The following C1orf146 variants were observed in gnomAD, a reference collection of about 807,000 sequenced individuals.
C1orf146 encodes protein SPO16 homolog.
In C1orf146, 22 loss-of-function variants were observed where a neutral mutation model predicts 23.0. The ratio of observed to expected loss-of-function variants is 0.96; its 90% CI spans 0.68 to 1.36. The LOEUF is 1.36. Among genes scored for constraint, C1orf146 ranks in the 40% most tolerant of loss-of-function variants. The pLI, the probability that C1orf146 is intolerant of heterozygous loss-of-function variation, is 0.00. For synonymous variants in C1orf146, 59 were observed against 65.3 expected (o/e 0.90, Z 0.47); for missense variants, 199 against 206.8 (o/e 0.96, Z 0.23).
At chr1:92,241,278 C>T (rs974667373) in intron 2 of C1orf146, among the ~76,000 whole-genome samples, 3 of 151,750 alleles carry the variant, frequency 2.0e-5, no homozygotes. Flanking sequence ...GTGGTGCAAT[C>T]ATGGCTCACT....
intron 1 of C1orf146, among the ~76,000 whole-genome samples, chr1:92,228,280 T>A (rs1034170568): frequency 5.9e-5 from 9 of 152,206 alleles, no homozygotes; most frequent in African/African-American, 2.2e-4. Flanking sequence ...CATATACTGC[T>A]TTGAACAAAT....
At chr1:92,243,372 A>C (rs773524069) in intron 3 of C1orf146, among the ~76,000 whole-genome samples, 32 of 152,046 alleles carry the variant, frequency 2.1e-4, no homozygotes, top group Middle Eastern at 3.4e-3. Flanking sequence ...TTTGAGATGG[A>C]GTCTTGCTTT....
At chr1:92,220,526 A>G (rs1651794895) in intron 1 of C1orf146, among the ~76,000 whole-genome samples, 1 of 152,220 alleles carries the variant, frequency 6.6e-6, no homozygotes, top group African/African-American at 2.4e-5. Context: ...TAGTATGTTA[A>G]TGTACTGAAT....
chr1:92,223,339 A>G (rs1041820413), intron 1 of C1orf146, among the ~76,000 whole-genome samples: 1 of 152,178 alleles, frequency 6.6e-6, no homozygotes, highest in African/African-American at 2.4e-5. Flanking sequence ...AGTTTGTTAA[A>G]TTTTAGCCAT....
intron 3 of C1orf146, 138 bp downstream of exon 3, chr1:92,242,443 A>AAC (rs33995042): frequency 0.85 from 347,339 of 409,294 alleles, 149,120 homozygotes; most frequent in East Asian, 1. Context: ...TACTACTACA[A>AAC]ACAGTCCATA....
intron 1 of C1orf146, among the ~76,000 whole-genome samples, chr1:92,224,468 T>C (rs1207640258): frequency 6.6e-6 from 1 of 152,252 alleles, no homozygotes; most frequent in Non-Finnish European, 1.5e-5. Flanking sequence ...TATTATGTCC[T>C]ATTTTCCTCT....
At chr1:92,228,440 T>C (rs889991954) in intron 1 of C1orf146, among the ~76,000 whole-genome samples, 5 of 152,300 alleles carry the variant, frequency 3.3e-5, no homozygotes, top group African/African-American at 7.2e-5. Flanking sequence ...GGTGTTATGA[T>C]TGCAAAATTA....
At chr1:92,219,496 C>CTTTTTTTTTTTTTT (rs71091269) in intron 1 of C1orf146, among the ~76,000 whole-genome samples, 7 of 81,174 alleles carry the variant, frequency 8.6e-5, no homozygotes, top group Admixed American at 2.0e-4. Context: ...CTTTCTCTTT[C>CTTTTTTTTTTTTTT]TTTTTTTTTT....
intron 1 of C1orf146, among the ~76,000 whole-genome samples, chr1:92,222,041 C>T (rs970372916): frequency 6.6e-6 from 1 of 152,048 alleles, no homozygotes; most frequent in Non-Finnish European, 1.5e-5. Context: ...CAGGAGTGAC[C>T]ATCCTGGCCA....
intron 2 of C1orf146, 146 bp from the exon 3 acceptor site, chr1:92,242,066 A>T (rs547600074): frequency 2.1e-6 from 1 of 477,280 alleles, no homozygotes; most frequent in East Asian, 3.5e-5. Context: ...TTTTTTCTCC[A>T]TAGAAAGCAT....
At chr1:92,232,554 G>A (rs976026757) in intron 2 of C1orf146, among the ~76,000 whole-genome samples, 4 of 152,086 alleles carry the variant, frequency 2.6e-5, no homozygotes, top group African/African-American at 9.7e-5. Flanking sequence ...ATTGTGAATA[G>A]TGCCGCAGTA....
intron 1 of C1orf146, among the ~76,000 whole-genome samples, chr1:92,227,806 TAC>T (rs1404433145): frequency 3.3e-5 from 5 of 152,172 alleles, no homozygotes; most frequent in African/African-American, 1.2e-4. Context: ...TTAAAAATAA[TAC>T]ACCTTTTTTC....
chr1:92,241,248 G>A (rs575974659), intron 2 of C1orf146, among the ~76,000 whole-genome samples: 127 of 151,088 alleles, frequency 8.4e-4, no homozygotes, highest in African/African-American at 2.8e-3. Flanking sequence ...GTCTCACTCT[G>A]TCACCCAGGC....
chr1:92,230,277 A>G (rs990091603), intron 1 of C1orf146, among the ~76,000 whole-genome samples: 4 of 151,262 alleles, frequency 2.6e-5, no homozygotes, highest in African/African-American at 9.7e-5. Flanking sequence ...GGTTTGGCCA[A>G]CGTAGGGAGA....
At chr1:92,241,441 A>G (rs1652429822) in intron 2 of C1orf146, among the ~76,000 whole-genome samples, 1 of 151,574 alleles carries the variant, frequency 6.6e-6, no homozygotes, top group Non-Finnish European at 1.5e-5. Context: ...GACTCAAATG[A>G]TCCACCAGCC....
At chr1:92,231,793 A>T (rs920478782) in intron 2 of C1orf146, among the ~76,000 whole-genome samples, 1 of 151,936 alleles carries the variant, frequency 6.6e-6, no homozygotes, top group Non-Finnish European at 1.5e-5. Flanking sequence ...AATATATATT[A>T]GTTAAGGCTT....
intron 1 of C1orf146, among the ~76,000 whole-genome samples, chr1:92,222,348 A>G (rs1015539584): frequency 1.3e-5 from 2 of 152,062 alleles, no homozygotes; most frequent in Non-Finnish European, 2.9e-5. Context: ...ATGTGTATAT[A>G]TAATGTAACA....
At position 92,245,563 on chromosome 1, in the gene C1orf146, T is replaced by A. The variant is rs565695748; in HGVS notation, c.432T>A (p.Asp144Glu). The A allele has an allele frequency of 2.5e-6, 4 of 1,596,050 alleles. No homozygotes were observed. The highest frequency in any genetic ancestry group is 1.4e-5 in the African/African-American group (1 of 73,928). The change falls in exon 6 of 6, where the codon GAT (aspartate) becomes GAA (glutamate). Residue 144 changes from aspartate to glutamate, a missense_variant. Asp to Glu is a conservative substitution (Grantham distance 45, BLOSUM62 2). Transcript: ENST00000370375. Reference protein sequence around the residue: ...IAKTTSKPYIDSICYRMITAK... With the variant: ...IAKTTSKPYIESICYRMITAK... The stretch of plus-strand genomic sequence containing the variant: ...AGACTACCTCCAAACCATACATAGA[T>A]AGCATTTGCTACAGAATGATAACAG...
At position 92,242,727 on chromosome 1, in the gene C1orf146, T is replaced by C. The variant is rs72958741; in HGVS notation, c.160+422T>C. On this transcript the variant is annotated intron_variant, in intron 3 of 5. Transcript: ENST00000370375. ...ATATAAATATTAACCAAAAGAATCA[T>C]GGGGACAAATAAATGTTCATGAAAT... 9.9e-3 allele frequency among the ~76,000 whole-genome samples: 1,505 copies of C among 152,264 alleles called. 24 individuals are homozygous for C. The highest frequency in any genetic ancestry group is 0.035 in the African/African-American group (1,440 of 41,548).
Sources: allele counts gnomAD v4.1 joint callset (sites outside exome capture counted in the v4.1 genomes callset), GRCh38; gene constraint gnomAD v4.1.1; transcripts MANE v1.5; gene names NCBI Gene and HGNC (gene_info 2026-07-23, HGNC 2026-07-21).